SPAG16: variants seen among roughly 807,000 people sequenced by gnomAD.
SPAG16 encodes the protein sperm associated antigen 16, also known as sperm-associated antigen 16 protein.
In SPAG16, 86 loss-of-function variants were observed where a neutral mutation model predicts 80.4. The ratio of observed to expected loss-of-function variants is 1.07; its 90% CI spans 0.90 to 1.28. The LOEUF (loss-of-function observed/expected upper bound fraction) is 1.28. Ranked by LOEUF, SPAG16 falls within the 50% of genes most tolerant of loss-of-function variation. The probability of loss-of-function intolerance (pLI) is 0.00; values close to 1 mark genes in which losing one functional copy is unlikely to be tolerated. For synonymous variants in SPAG16, 294 were observed against 265.9 expected, an observed-to-expected ratio of 1.11 and a Z score of -1.03; for missense variants, 870 against 765.3, an observed-to-expected ratio of 1.14 and a Z score of -1.61.
At chr2:213,365,585 G>A (rs2066236295) in intron 8 of SPAG16, among the ~76,000 whole-genome samples, 1 of 151,616 alleles carries the variant, frequency 6.6e-6, no homozygotes, top group South Asian at 2.1e-4. Flanking sequence ...AGCCTCTCCA[G>A]TAGCTGGGAC....
intron 14 of SPAG16, among the ~76,000 whole-genome samples, chr2:214,140,623 C>G (rs1430094579): frequency 1.3e-5 from 2 of 151,866 alleles, no homozygotes; most frequent in African/African-American, 4.8e-5. Flanking sequence ...CGTCATTTGT[C>G]TTTACATATA....
At chr2:213,335,551 C>T (rs1281516538) in intron 5 of SPAG16, among the ~76,000 whole-genome samples, 1 of 150,480 alleles carries the variant, frequency 6.6e-6, no homozygotes, top group Non-Finnish European at 1.5e-5. Context: ...TATTATTTCT[C>T]AATTTATGTT....
At chr2:213,313,903 T>C (rs927530441) in intron 4 of SPAG16, among the ~76,000 whole-genome samples, 1 of 151,884 alleles carries the variant, frequency 6.6e-6, no homozygotes, top group Non-Finnish European at 1.5e-5. Context: ...CCTAAATCTT[T>C]ATGAAAACAT....
intron 10 of SPAG16, among the ~76,000 whole-genome samples, chr2:213,508,332 G>A (rs1237020185): frequency 3.3e-5 from 5 of 152,188 alleles, no homozygotes; most frequent in African/African-American, 9.7e-5. Flanking sequence ...CAGCACTTTG[G>A]GAGGCCGAGG....
At chr2:213,512,704 C>A (rs907994755) in intron 10 of SPAG16, among the ~76,000 whole-genome samples, 2 of 152,084 alleles carry the variant, frequency 1.3e-5, no homozygotes, top group African/African-American at 4.8e-5. Context: ...CCAAACACTG[C>A]CAGGATTTTC....
intron 15 of SPAG16, among the ~76,000 whole-genome samples, chr2:214,182,102 C>G (rs1306948729): frequency 6.6e-6 from 1 of 151,738 alleles, no homozygotes; most frequent in African/African-American, 2.4e-5. Context: ...GACAGTTTAT[C>G]TCTTTCTTCT....
At chr2:213,488,940 T>G (rs2074114992) in intron 9 of SPAG16, among the ~76,000 whole-genome samples, 1 of 151,596 alleles carries the variant, frequency 6.6e-6, no homozygotes, top group Admixed American at 6.6e-5. Flanking sequence ...CCGGGCGTGG[T>G]GGCACGCGCC....
intron 10 of SPAG16, among the ~76,000 whole-genome samples, chr2:213,733,654 T>C (rs10932496): frequency 0.92 from 140,656 of 152,116 alleles, 66,078 homozygotes; most frequent in East Asian, 1. Context: ...TAGTCCATCC[T>C]TAACCTCCAG....
intron 12 of SPAG16, among the ~76,000 whole-genome samples, chr2:213,966,799 A>G (rs2044732525): frequency 6.6e-6 from 1 of 152,144 alleles, no homozygotes; most frequent in African/African-American, 2.4e-5. Context: ...TTCTGACTCT[A>G]CTTTTGCTGA....
intron 10 of SPAG16, among the ~76,000 whole-genome samples, chr2:213,709,333 G>A (rs866265231): frequency 3.3e-5 from 5 of 152,116 alleles, no homozygotes; most frequent in African/African-American, 9.7e-5. Context: ...TTTACATAAC[G>A]TCTGTCTATA....
chr2:214,377,996 G>A (rs1700231798), intron 15 of SPAG16, among the ~76,000 whole-genome samples: 2 of 152,334 alleles, frequency 1.3e-5, no homozygotes, highest in South Asian at 4.1e-4. Context: ...GTCCTGGAAA[G>A]AGGGAGGCAA....
At chr2:214,116,544 G>A (rs555206291) in intron 14 of SPAG16, among the ~76,000 whole-genome samples, 17 of 152,168 alleles carry the variant, frequency 1.1e-4, no homozygotes, top group Non-Finnish European at 1.9e-4. Context: ...AGCAGATCCT[G>A]AGAGGGCCCA....
At chr2:213,532,532 GCTCACCACAAC>G (rs1442995924) in intron 10 of SPAG16, among the ~76,000 whole-genome samples, 3 of 151,064 alleles carry the variant, frequency 2.0e-5, no homozygotes, top group African/African-American at 7.3e-5. Context: ...TGCCATCTCG[GCTCACCACAAC>G]CTCCACCTCC....
intron 10 of SPAG16, among the ~76,000 whole-genome samples, chr2:213,517,568 G>T (rs1173597706): frequency 6.6e-6 from 1 of 152,074 alleles, no homozygotes; most frequent in Non-Finnish European, 1.5e-5. Context: ...TATATTATAA[G>T]GCTACAGGAA....
intron 10 of SPAG16, among the ~76,000 whole-genome samples, chr2:213,775,013 C>G (rs1432830030): frequency 6.6e-6 from 1 of 152,126 alleles, no homozygotes; most frequent in Non-Finnish European, 1.5e-5. Context: ...TGTATTGTTT[C>G]TAAATTTTCT....
chr2:213,729,891 C>T (rs1271623969), intron 10 of SPAG16, among the ~76,000 whole-genome samples: 2 of 152,140 alleles, frequency 1.3e-5, no homozygotes, highest in Admixed American at 1.3e-4. Context: ...ACCAAGTCCT[C>T]TATATTTAAT....
intron 15 of SPAG16, among the ~76,000 whole-genome samples, chr2:214,402,227 G>A (rs936072974): frequency 2.0e-5 from 3 of 151,826 alleles, no homozygotes; most frequent in Non-Finnish European, 4.4e-5. Context: ...GACATCATTT[G>A]GCCAGTTAAT....
chr2:213,505,428 T>C (rs1023786729), intron 10 of SPAG16, among the ~76,000 whole-genome samples: 5 of 152,162 alleles, frequency 3.3e-5, no homozygotes, highest in Admixed American at 1.3e-4. Flanking sequence ...TGTATGTTTT[T>C]TGGTATTCTA....
chr2:214,047,117 A>G (rs1184128958), intron 13 of SPAG16, among the ~76,000 whole-genome samples: 1 of 152,162 alleles, frequency 6.6e-6, no homozygotes, highest in Non-Finnish European at 1.5e-5. Context: ...ACCCAAAACA[A>G]TCTACAGATT....
Sources: gnomAD v4.1 joint callset for allele counts (sites outside exome capture counted in the v4.1 genomes callset) on GRCh38, gnomAD v4.1.1 for gene constraint, MANE v1.5 for transcripts, NCBI Gene and HGNC (gene_info 2026-07-23, HGNC 2026-07-21) for gene names.